DPP6: variants seen among roughly 807,000 people sequenced by gnomAD.
DPP6 encodes dipeptidyl peptidase like 6, also known as A-type potassium channel modulatory protein DPP6.
Under a neutral mutation model 122.6 loss-of-function variants are expected in DPP6, and 69 were observed. That is an observed-to-expected ratio of 0.56 (90% confidence interval 0.46 to 0.69). DPP6 has a LOEUF of 0.69. Ranked by LOEUF, DPP6 falls within the 30% of genes least tolerant of loss-of-function variation. DPP6 has a pLI of 0.00. For synonymous variants in DPP6, 418 were observed against 433.1 expected, an observed-to-expected ratio of 0.97 and a Z score of 0.43; for missense variants, 928 against 1,116.9, an observed-to-expected ratio of 0.83 and a Z score of 2.41.
chr7:154,508,847 A>T (rs910181085), intron 3 of DPP6, among the ~76,000 whole-genome samples: 1 of 152,226 alleles, frequency 6.6e-6, no homozygotes, highest in Non-Finnish European at 1.5e-5. Flanking sequence ...TGCATGTGAA[A>T]ATGCTTATAA....
intron 3 of DPP6, among the ~76,000 whole-genome samples, chr7:154,518,620 G>A (rs1366320696): frequency 6.6e-6 from 1 of 152,110 alleles, no homozygotes; most frequent in Non-Finnish European, 1.5e-5. Context: ...TTGATCTCTA[G>A]GATACACTTT....
At chr7:154,382,713 A>G (rs1461953046) in intron 1 of DPP6, among the ~76,000 whole-genome samples, 1 of 152,052 alleles carries the variant, frequency 6.6e-6, no homozygotes, top group Non-Finnish European at 1.5e-5. Context: ...GGTTGGTGGT[A>G]TATATTTTAG....
chr7:154,384,870 TCTGAAA>T (rs1180539221), intron 1 of DPP6, among the ~76,000 whole-genome samples: 2 of 152,050 alleles, frequency 1.3e-5, no homozygotes, highest in Non-Finnish European at 2.9e-5. Context: ...AGTGGGATAC[TCTGAAA>T]CTGTTACAGA....
intron 1 of DPP6, among the ~76,000 whole-genome samples, chr7:154,243,547 G>A (rs1483343841): frequency 1.3e-5 from 2 of 152,152 alleles, no homozygotes; most frequent in Non-Finnish European, 2.9e-5. Context: ...TGTAATCCCA[G>A]CACTTTGGGA....
At chr7:154,384,783 C>T (rs1460135751) in intron 1 of DPP6, among the ~76,000 whole-genome samples, 2 of 145,012 alleles carry the variant, frequency 1.4e-5, no homozygotes, top group African/African-American at 5.2e-5. Context: ...GCCCAGGTGA[C>T]ATTTCTCACA....
At chr7:154,472,542 T>C (rs1822371254) in intron 2 of DPP6, among the ~76,000 whole-genome samples, 1 of 152,238 alleles carries the variant, frequency 6.6e-6, no homozygotes, top group South Asian at 2.1e-4. Flanking sequence ...GTCCCTGCTA[T>C]GTTCTGATCA....
intron 1 of DPP6, among the ~76,000 whole-genome samples, chr7:154,089,089 C>T (rs1214734965): frequency 1.3e-5 from 2 of 152,092 alleles, no homozygotes; most frequent in African/African-American, 4.8e-5. Context: ...CAAAATTGTC[C>T]TCAGACAATT....
intron 2 of DPP6, among the ~76,000 whole-genome samples, chr7:154,454,571 G>T (rs1335257302): frequency 6.6e-6 from 1 of 152,102 alleles, no homozygotes; most frequent in Non-Finnish European, 1.5e-5. Flanking sequence ...GGGGACAGAG[G>T]ACAGTCTGGC....
chr7:154,567,001 C>G, intron 5 of DPP6, 85 bp downstream of exon 5: 1 of 969,348 alleles, frequency 1.0e-6, no homozygotes, highest in Middle Eastern at 2.1e-4. Context: ...CTCTTCTATA[C>G]TTAGTGATCT....
At chr7:154,127,897 T>G (rs551174888) in intron 1 of DPP6, among the ~76,000 whole-genome samples, 1 of 151,734 alleles carries the variant, frequency 6.6e-6, no homozygotes, top group East Asian at 1.9e-4. Context: ...CAGAAGGACA[T>G]GAGGTTGGTT....
chr7:153,827,697 G>A, the DPP6 span, among the ~76,000 whole-genome samples: 1 of 152,090 alleles, frequency 6.6e-6, no homozygotes, highest in African/African-American at 2.4e-5. Flanking sequence ...CACTTCTGGT[G>A]CCACAAGGAG....
intron 1 of DPP6, among the ~76,000 whole-genome samples, chr7:154,321,700 G>A (rs1466946558): frequency 4.0e-5 from 6 of 149,018 alleles, no homozygotes; most frequent in East Asian, 2.0e-4. Flanking sequence ...CAGGAGGATC[G>A]CTTGAACCCA....
At chr7:154,142,871 G>A (rs529612812) in intron 1 of DPP6, among the ~76,000 whole-genome samples, 9 of 139,606 alleles carry the variant, frequency 6.4e-5, no homozygotes, top group South Asian at 2.6e-4. Flanking sequence ...ATCTGCTCTC[G>A]GCATGGTAGC....
chr7:153,896,974 A>T (rs1231007435), intron 1 of DPP6, among the ~76,000 whole-genome samples: 1 of 151,898 alleles, frequency 6.6e-6, no homozygotes, highest in Non-Finnish European at 1.5e-5. Context: ...TCTTCCTATG[A>T]CTCTGTAAAT....
chr7:154,853,860 G>A (rs765544944), intron 17 of DPP6, 33 bp downstream of exon 17: 2 of 1,611,588 alleles, frequency 1.2e-6, no homozygotes, highest in Non-Finnish European at 1.7e-6. Context: ...AAATCTTCCT[G>A]AGACTCAGGA....
intron 1 of DPP6, among the ~76,000 whole-genome samples, chr7:154,008,025 G>A (rs1797987860): frequency 6.6e-6 from 1 of 152,188 alleles, no homozygotes; most frequent in African/African-American, 2.4e-5. Flanking sequence ...AAAGGACCCT[G>A]CTGAACACAT....
chr7:154,189,520 T>C (rs1798511206), intron 1 of DPP6, among the ~76,000 whole-genome samples: 1 of 152,220 alleles, frequency 6.6e-6, no homozygotes, highest in Non-Finnish European at 1.5e-5. Context: ...CTTAGTAAGA[T>C]GTTTGTTCCG....
At chr7:153,971,727 A>G (rs1796024978) in intron 1 of DPP6, among the ~76,000 whole-genome samples, 1 of 143,256 alleles carries the variant, frequency 7.0e-6, no homozygotes, top group South Asian at 2.4e-4. Flanking sequence ...TTACACAGAT[A>G]AGTATTGAGC....
chr7:154,071,505 C>G (rs1803116230), intron 1 of DPP6, among the ~76,000 whole-genome samples: 1 of 152,224 alleles, frequency 6.6e-6, no homozygotes, highest in South Asian at 2.1e-4. Context: ...GTAGCTCAGT[C>G]TGCATCAGAC....
Sources: allele counts gnomAD v4.1 joint callset (sites outside exome capture counted in the v4.1 genomes callset), GRCh38; gene constraint gnomAD v4.1.1; transcripts MANE v1.5; gene names NCBI Gene and HGNC (gene_info 2026-07-23, HGNC 2026-07-21).